The following ADGRL2 variants were observed in gnomAD, a reference collection of about 807,000 sequenced individuals.
The protein encoded by ADGRL2 is calcium-independent alpha-latrotoxin receptor 2.
Under a neutral mutation model 157.4 loss-of-function variants are expected in ADGRL2, and 44 were observed. The ratio of observed to expected loss-of-function variants is 0.28; its 90% CI spans 0.22 to 0.36. The LOEUF is 0.36. ADGRL2 is among the 10% of genes least tolerant of loss of function. The pLI is 1.00. For synonymous variants in ADGRL2, 585 were observed against 624.7 expected (o/e 0.94, Z 0.95); for missense variants, 1,510 against 1,768.9 (o/e 0.85, Z 2.63).
chr1:81,746,990 A>T (rs2085285607), intron 1 of ADGRL2, among the ~76,000 whole-genome samples: 1 of 147,970 alleles, frequency 6.8e-6, no homozygotes, highest in Non-Finnish European at 1.5e-5. Context: ...GTGTGTATAT[A>T]CGTATATACG....
upstream of ADGRL2, among the ~76,000 whole-genome samples, chr1:81,796,146 G>A (rs1483947143): frequency 6.6e-6 from 1 of 151,798 alleles, no homozygotes; most frequent in Non-Finnish European, 1.5e-5. Context: ...GCCTGCCACC[G>A]TGCCCAGCTA....
chr1:81,518,474 G>A (rs1383656338), intron 2 of ADGRL2, among the ~76,000 whole-genome samples: 2 of 152,174 alleles, frequency 1.3e-5, no homozygotes, highest in East Asian at 1.9e-4. Flanking sequence ...CCAGAGAAAT[G>A]GGAATTGTTG....
intron 2 of ADGRL2, among the ~76,000 whole-genome samples, chr1:81,839,332 A>G (rs1431003242): frequency 6.6e-6 from 1 of 152,054 alleles, no homozygotes; most frequent in Non-Finnish European, 1.5e-5. Flanking sequence ...TTAGGGTTCA[A>G]AAATACACAA....
At chr1:81,917,354 C>T (rs1028751697) in intron 3 of ADGRL2, among the ~76,000 whole-genome samples, 1 of 151,854 alleles carries the variant, frequency 6.6e-6, no homozygotes, top group Non-Finnish European at 1.5e-5. Flanking sequence ...ATTTTTGTGC[C>T]TTGCATATTT....
At chr1:81,529,051 C>T (rs1016795260) in intron 2 of ADGRL2, among the ~76,000 whole-genome samples, 5 of 152,138 alleles carry the variant, frequency 3.3e-5, no homozygotes, top group African/African-American at 7.2e-5. Flanking sequence ...AAAAGATTTA[C>T]GAAGAGCCTT....
intron 2 of ADGRL2, among the ~76,000 whole-genome samples, chr1:81,851,044 C>T (rs1045653745): frequency 2.0e-5 from 3 of 151,776 alleles, no homozygotes; most frequent in African/African-American, 7.3e-5. Context: ...CACCCAAAAA[C>T]CAATATGGTT....
intron 1 of ADGRL2, among the ~76,000 whole-genome samples, chr1:81,815,151 T>C (rs1489309624): frequency 6.6e-6 from 1 of 151,860 alleles, no homozygotes; most frequent in East Asian, 1.9e-4. Flanking sequence ...ACTGAGTTTT[T>C]ATGTCATGGT....
chr1:81,792,474 A>G (rs1236886482), intron 2 of ADGRL2, among the ~76,000 whole-genome samples: 1 of 152,210 alleles, frequency 6.6e-6, no homozygotes, highest in Non-Finnish European at 1.5e-5. Context: ...GTGCATATAT[A>G]TATTTTTTAC....
At chr1:81,637,297 T>C (rs1460076512) in intron 3 of ADGRL2, among the ~76,000 whole-genome samples, 1 of 152,212 alleles carries the variant, frequency 6.6e-6, no homozygotes, top group Non-Finnish European at 1.5e-5. Context: ...TCCTTTAATC[T>C]TCACAAAAGC....
chr1:81,653,861 C>T (rs893829879), intron 3 of ADGRL2, among the ~76,000 whole-genome samples: 3 of 152,136 alleles, frequency 2.0e-5, no homozygotes, highest in African/African-American at 7.2e-5. Context: ...AATGACTCGT[C>T]ATCATCTCAA....
In ADGRL2 at chr1:81,409,786, G is replaced by A. The variant is rs544008421; in HGVS notation, c.-301-35250G>A. On this transcript the variant is annotated intron_variant, in intron 1 of 24. Transcript: ENST00000370721. ...TTTAACATCTCAAAAGAAGAAGTGT[G>A]CAATTTGTTAGCAAGAAAGGATAAA... Among the ~76,000 whole-genome samples, 3 of 152,252 alleles carry A rather than the reference G, an allele frequency of 2.0e-5. No homozygotes were observed. In the South Asian group the frequency reaches 6.2e-4, roughly 32 times the overall value.
intron 2 of ADGRL2, among the ~76,000 whole-genome samples, chr1:81,847,360 G>A (rs1438415145): frequency 2.0e-5 from 3 of 151,898 alleles, no homozygotes; most frequent in African/African-American, 7.2e-5. Context: ...GTGATGCTAA[G>A]GTTGCTGGTC....
chr1:81,915,323 G>A (rs375295441), intron 3 of ADGRL2, among the ~76,000 whole-genome samples: 3 of 152,036 alleles, frequency 2.0e-5, no homozygotes, highest in Non-Finnish European at 4.4e-5. Context: ...CAAGAGATCC[G>A]CCTGCCTCAG....
chr1:81,773,443 T>C (rs192504002), intron 2 of ADGRL2, among the ~76,000 whole-genome samples: 3 of 152,268 alleles, frequency 2.0e-5, no homozygotes, highest in Admixed American at 2.0e-4. Context: ...GGTGAGTTAA[T>C]TTGAAGCCTT....
chr1:81,531,431 T>C (rs1003128562), intron 2 of ADGRL2, among the ~76,000 whole-genome samples: 3 of 152,338 alleles, frequency 2.0e-5, no homozygotes, highest in East Asian at 1.9e-4. Context: ...CTCTCTCTTA[T>C]TATCTATGGT....
At chr1:81,446,121 C>T (rs1357848725) in intron 2 of ADGRL2, among the ~76,000 whole-genome samples, 1 of 152,028 alleles carries the variant, frequency 6.6e-6, no homozygotes, top group East Asian at 1.9e-4. Context: ...CATGTAAATG[C>T]CAGGAAAGAA....
intron 3 of ADGRL2, among the ~76,000 whole-genome samples, chr1:81,653,641 T>C (rs532077319): frequency 2.6e-5 from 4 of 152,330 alleles, no homozygotes; most frequent in African/African-American, 9.6e-5. Context: ...AAAATATAAT[T>C]TCTATTTCTA....
chr1:81,478,486 G>A (rs949853751), intron 2 of ADGRL2, among the ~76,000 whole-genome samples: 1 of 152,206 alleles, frequency 6.6e-6, no homozygotes, highest in African/African-American at 2.4e-5. Flanking sequence ...GACATGTGGT[G>A]CTTGCTTTAA....
chr1:81,339,907 C>G (rs1253953865), intron 1 of ADGRL2, among the ~76,000 whole-genome samples: 1 of 152,166 alleles, frequency 6.6e-6, no homozygotes, highest in African/African-American at 2.4e-5. Context: ...CTCTGTAGTT[C>G]TTACCTACGT....
Sources: allele counts gnomAD v4.1 joint callset (sites outside exome capture counted in the v4.1 genomes callset), GRCh38; gene constraint gnomAD v4.1.1; transcripts MANE v1.5; gene names NCBI Gene and HGNC (gene_info 2026-07-23, HGNC 2026-07-21).